Variants in LHX2 observed in about 807,000 individuals in gnomAD.
The protein encoded by LHX2 is LIM homeobox 2.
A neutral mutation model predicts 33.0 loss-of-function variants in LHX2; 6 were observed. That is an observed-to-expected ratio of 0.18 (90% CI 0.10 to 0.36). The LOEUF is 0.36. Among genes scored for constraint, LHX2 ranks in the 10% least tolerant of loss-of-function variants. The probability of loss-of-function intolerance (pLI) is 1.00; values close to 1 mark genes in which losing one functional copy is unlikely to be tolerated. For synonymous variants in LHX2, 292 were observed against 253.1 expected, an observed-to-expected ratio of 1.15 and a Z score of -1.46; for missense variants, 442 against 586.2, an observed-to-expected ratio of 0.75 and a Z score of 2.54.
Position 124,015,652 on chromosome 9 carries a change from C to A in LHX2, c.727+127C>A. ...GAGCCTTAAGCACCGGACGGCCTCG[C>A]AGAAGGGACATTAGCCCCCTGGGCT... On this transcript the variant is annotated intron_variant, in intron 3 of 4. Transcript: ENST00000373615. This position sits in a 1 kb window ranked among gnomAD's most constrained non-coding sequence, Gnocchi z 7.9. 1 of 1,066,732 alleles carries A rather than the reference C, an allele frequency of 9.4e-7. No homozygotes were observed. The highest frequency in any genetic ancestry group is 1.3e-6 in the Non-Finnish European group (1 of 772,060). 66.1% of individuals were successfully genotyped at this position (1,066,732 alleles called of 1,614,324 possible). A position where few individuals can be genotyped will look rare whatever the true frequency, so the allele number is the denominator to read the frequency against.
In LHX2 at chr9:124,015,062, A is replaced by G. The variant is rs1451861821; in HGVS notation, c.324-60A>G. On this transcript the variant is annotated intron_variant, in intron 2 of 4. Transcript: ENST00000373615. This position sits in a 1 kb window ranked among gnomAD's most constrained non-coding sequence, Gnocchi z 7.9. ...CCGCAGCAGCAGCGGCACCTGGAGG[A>G]GGAAAAGGGGGGTACCCAACCGTGT... 3 of 1,579,228 alleles carry G rather than the reference A, an allele frequency of 1.9e-6. No homozygotes were observed. Among genetic ancestry groups the G allele is most frequent in the Non-Finnish European group, 2.6e-6 (3 of 1,165,556 alleles).
chr9:124,016,582 G>T lies in LHX2; in HGVS notation c.727+1057G>T, dbSNP rs191392356. Among the ~76,000 whole-genome samples the T allele has an allele frequency of 6.6e-6, 1 of 152,296 alleles. No individual in the cohort carries two copies. Among genetic ancestry groups the T allele is most frequent in the African/African-American group, 2.4e-5 (1 of 41,556 alleles). On this transcript the variant is annotated intron_variant, in intron 3 of 4. Coordinates refer to ENST00000373615, the MANE Select transcript of LHX2 (RefSeq NM_004789.4). This position sits in a 1 kb window ranked among gnomAD's most constrained non-coding sequence, Gnocchi z 4.4. ...AAACAAACCCAAGACTGTGCAGAGG[G>T]TGCTACGGCGGGAAGAAGTCAGTTA... is the stretch of plus-strand genomic sequence containing the variant.
Position 124,012,388 on chromosome 9 carries a change from G to A in LHX2, c.40G>A (p.Val14Ile). Residue 14 changes from valine to isoleucine, a missense_variant, in exon 1 of 5, where the codon GTC becomes ATC. This residue lies in a region of LHX2 where 97 missense variants were observed against 81.5 expected (regional missense o/e 1.19). Coordinates refer to ENST00000373615, the MANE Select transcript of LHX2 (RefSeq NM_004789.4). The surrounding 1 kb of genome is among the most constrained non-coding windows in gnomAD (Gnocchi z 4.3). The stretch of plus-strand genomic sequence containing the variant: ...TCTGTCGGGCCCCGAGGTGCACGGG[G>A]TCATCGACGAGATGGACCGCAGGGC... ...HSLSGPEVHGVIDEMDRRAKS... is the reference protein window; with the variant it reads ...HSLSGPEVHGIIDEMDRRAKS... 6.5e-7 allele frequency: 1 copy of A among 1,532,330 alleles called. No homozygotes were observed. Among genetic ancestry groups the A allele is most frequent in the Non-Finnish European group, 8.7e-7 (1 of 1,144,160 alleles). The allele number at this position is 1,532,330 out of a possible 1,614,324, so 94.9% of individuals were successfully genotyped here.
Position 124,015,059 on chromosome 9 carries a change from A to G in LHX2, c.324-63A>G, listed in dbSNP as rs961743170. 1 of 1,575,834 alleles carries G rather than the reference A, an allele frequency of 6.3e-7. No individual in the cohort carries two copies. The highest frequency in any genetic ancestry group is 1.3e-5 in the African/African-American group (1 of 74,180). ...CCCCCGCAGCAGCAGCGGCACCTGGAGGAGGAAAAGGGGGGTACCCAACCG... is the reference window on the plus strand; with the variant it reads ...CCCCCGCAGCAGCAGCGGCACCTGGGGGAGGAAAAGGGGGGTACCCAACCG... On this transcript the variant is annotated intron_variant, in intron 2 of 4. Coordinates refer to ENST00000373615, the MANE Select transcript of LHX2 (RefSeq NM_004789.4). The surrounding 1 kb of genome is among the most constrained non-coding windows in gnomAD (Gnocchi z 7.9).
intron 4 of LHX2, among the ~76,000 whole-genome samples, chr9:124,028,647 C>A (rs1256414928): frequency 1.3e-5 from 2 of 152,204 alleles, no homozygotes; most frequent in Non-Finnish European, 2.9e-5. Flanking sequence ...TCTGTTTCTT[C>A]ATCCATTTAT....
chr9:124,024,815 G>A (rs1828584002), intron 4 of LHX2, among the ~76,000 whole-genome samples: 1 of 152,204 alleles, frequency 6.6e-6, no homozygotes, highest in South Asian at 2.1e-4. Context: ...CCCTGGCCCT[G>A]AGTCTCACAG....
At chr9:124,023,618 G>GTT (rs1388248946) in intron 4 of LHX2, among the ~76,000 whole-genome samples, 1 of 152,216 alleles carries the variant, frequency 6.6e-6, no homozygotes, top group East Asian at 1.9e-4. Context: ...GAAATGAAGA[G>GTT]TAAGTACCCA....
At chr9:124,013,811 T>TG in intron 1 of LHX2, 150 bp from the exon 2 acceptor site, 3 of 701,324 alleles carry the variant, frequency 4.3e-6, no homozygotes, top group Non-Finnish European at 7.1e-6. Flanking sequence ...CCTTTTGGGG[T>TG]GGGGGGAAGC....
Position 124,012,323 on chromosome 9 carries a change from C to T in LHX2, c.-26C>T. The T allele has an allele frequency of 2.0e-6, 3 of 1,482,368 alleles. No homozygotes were observed. Among genetic ancestry groups the T allele is most frequent in the Non-Finnish European group, 2.7e-6 (3 of 1,121,504 alleles). The allele number at this position is 1,482,368 out of a possible 1,614,324, so 91.8% of individuals were successfully genotyped here. ...CAAGCCCTCCCTCGGAGGAGCCGCGCCCCCGGCCCCGCCGGTCCCGCCGCG... is the reference window on the plus strand; with the variant it reads ...CAAGCCCTCCCTCGGAGGAGCCGCGTCCCCGGCCCCGCCGGTCCCGCCGCG... On this transcript the variant is annotated 5_prime_UTR_variant, in exon 1 of 5. Coordinates refer to ENST00000373615, the MANE Select transcript of LHX2 (RefSeq NM_004789.4). The surrounding 1 kb of genome is among the most constrained non-coding windows in gnomAD (Gnocchi z 4.3).
intron 3 of LHX2, among the ~76,000 whole-genome samples, chr9:124,019,455 G>A (rs886813214): frequency 3.3e-5 from 5 of 152,010 alleles, no homozygotes; most frequent in Non-Finnish European, 5.9e-5. Context: ...AAGTGTCCCC[G>A]GCAATATTTG....
rs1329565895 is a variant in LHX2 at position 124,012,794 on chromosome 9, C to G, written c.120+326C>G. Among the ~76,000 whole-genome samples, 2 of 152,242 alleles carry G rather than the reference C, an allele frequency of 1.3e-5. No individual in the cohort carries two copies. Among genetic ancestry groups the G allele is most frequent in the African/African-American group, 4.8e-5 (2 of 41,472 alleles). On this transcript the variant is annotated intron_variant, in intron 1 of 4. Coordinates refer to ENST00000373615, the MANE Select transcript of LHX2 (RefSeq NM_004789.4). This position sits in a 1 kb window ranked among gnomAD's most constrained non-coding sequence, Gnocchi z 4.3. ...GTGCCGGGGTCGACAGCCCCGCGCT[C>G]TCCTCCACCTCTCGGCTCCGGTTGC...
Position 124,015,266 on chromosome 9 carries a change from C to T in LHX2, c.468C>T (p.Phe156=). Residue 156 remains phenylalanine, a synonymous_variant, in exon 3 of 5, where the codon TTC becomes TTT. Coordinates refer to ENST00000373615, the MANE Select transcript of LHX2 (RefSeq NM_004789.4). The surrounding 1 kb of genome is among the most constrained non-coding windows in gnomAD (Gnocchi z 7.9). ...CNKMLTTGDH[F]GMKDSLVYCR... ...AGATGCTGACCACGGGCGACCACTT[C>T]GGCATGAAGGACAGCCTGGTCTACT... The T allele has an allele frequency of 1.9e-6, 3 of 1,614,162 alleles. No homozygotes were observed. The highest frequency in any genetic ancestry group is 1.1e-5 in the South Asian group (1 of 91,092).
chr9:124,022,959 G>C (rs1859320121), intron 4 of LHX2, among the ~76,000 whole-genome samples: 1 of 152,350 alleles, frequency 6.6e-6, no homozygotes, highest in South Asian at 2.1e-4. Context: ...CCTCCCTCAT[G>C]GTCTGTTTTG....
At chr9:124,019,958 C>T (rs1859263967) in intron 3 of LHX2, among the ~76,000 whole-genome samples, 1 of 152,186 alleles carries the variant, frequency 6.6e-6, no homozygotes. Flanking sequence ...TCCCCACCCC[C>T]AATGCCAGCC....
In LHX2 at chr9:124,016,583, T is replaced by G. The variant is rs532644135; in HGVS notation, c.727+1058T>G. Among the ~76,000 whole-genome samples, 171 of 151,958 alleles carry G rather than the reference T, an allele frequency of 1.1e-3. No homozygotes were observed. The highest frequency in any genetic ancestry group is 4.0e-3 in the African/African-American group (164 of 41,400). ...AACAAACCCAAGACTGTGCAGAGGG[T>G]GCTACGGCGGGAAGAAGTCAGTTAT... On this transcript the variant is annotated intron_variant, in intron 3 of 4. Coordinates refer to ENST00000373615, the MANE Select transcript of LHX2 (RefSeq NM_004789.4). This position sits in a 1 kb window ranked among gnomAD's most constrained non-coding sequence, Gnocchi z 4.4.
chr9:124,012,127 G>A lies in LHX2; in HGVS notation c.-222G>A, dbSNP rs1313945108. On this transcript the variant is annotated 5_prime_UTR_variant, in exon 1 of 5. Transcript: ENST00000373615. This position sits in a 1 kb window ranked among gnomAD's most constrained non-coding sequence, Gnocchi z 4.3. ...CTGGCTTTGGCGCCGTCGCCCAGGC[G>A]CCCCGCAATGTAGCTGCCCCTGCGC... 3 of 217,112 alleles carry A rather than the reference G, an allele frequency of 1.4e-5. No individual in the cohort carries two copies. The highest frequency in any genetic ancestry group is 1.2e-4 in the Admixed American group (2 of 16,792). The allele number at this position is 217,112 out of a possible 1,614,324, so 13.4% of individuals were successfully genotyped here.
In LHX2 at chr9:124,014,655, C is replaced by G. The variant is rs777159625; in HGVS notation, c.324-467C>G. On this transcript the variant is annotated intron_variant, in intron 2 of 4. Transcript: ENST00000373615. The surrounding 1 kb of genome is among the most constrained non-coding windows in gnomAD (Gnocchi z 4.8). The stretch of plus-strand genomic sequence containing the variant: ...GAATCACTAGTAGACTCCAAGTTCT[C>G]TGTTTCTCCTTCTCCCCAGTTTTAG... Among the ~76,000 whole-genome samples the G allele has an allele frequency of 3.1e-4, 47 of 152,216 alleles. No individual in the cohort carries two copies. Among genetic ancestry groups the G allele is most frequent in the Non-Finnish European group, 5.6e-4 (38 of 68,030 alleles).
At chr9:124,021,547 G>A (rs942775674) in intron 4 of LHX2, among the ~76,000 whole-genome samples, 3 of 151,464 alleles carry the variant, frequency 2.0e-5, no homozygotes, top group Non-Finnish European at 2.9e-5. Flanking sequence ...TTTGCGTATC[G>A]CTCCATCCTC....
At chr9:124,020,956 G>C in intron 3 of LHX2, 143 bp from the exon 4 acceptor site, 2 of 706,126 alleles carry the variant, frequency 2.8e-6, no homozygotes, top group South Asian at 3.6e-5. Context: ...CTATAAAATG[G>C]GGATGATGTC....
Sources: allele counts gnomAD v4.1 joint callset (sites outside exome capture counted in the v4.1 genomes callset), GRCh38; gene constraint gnomAD v4.1.1; regional missense constraint gnomAD v4.1.1; non-coding constraint Gnocchi (gnomAD v3.1); transcripts MANE v1.5; gene names NCBI Gene and HGNC (gene_info 2026-07-23, HGNC 2026-07-21).